Variants in IL3RA observed in about 807,000 individuals in gnomAD.
IL3RA encodes interleukin-3 receptor subunit alpha.
Under a neutral mutation model 52.3 loss-of-function variants are expected in IL3RA, and 73 were observed. The observed-to-expected ratio is 1.40, with a 90% CI of 1.16 to 1.70. The LOEUF is 1.70. Ranked by LOEUF, IL3RA falls within the 40% of genes most tolerant of loss-of-function variation. The pLI is 0.00. For synonymous variants in IL3RA, 260 were observed against 194.0 expected, an observed-to-expected ratio of 1.34 and a Z score of -2.83; for missense variants, 664 against 504.4, an observed-to-expected ratio of 1.32 and a Z score of -3.03.
At chrX:1,359,506 C>T (rs1238793227) in intron 8 of IL3RA, among the ~76,000 whole-genome samples, 21 of 144,180 alleles carry the variant, frequency 1.5e-4, no homozygotes, top group African/African-American at 5.2e-5. Flanking sequence ...CTATCTCCCT[C>T]CCCCTCTCTG....
chrX:1,361,473 C>T (rs1233140545), intron 8 of IL3RA, among the ~76,000 whole-genome samples: 12 of 152,070 alleles, frequency 7.9e-5, no homozygotes, highest in Non-Finnish European at 1.3e-4. Context: ...AGACAGTCGC[C>T]GGGCGCAGTG....
chrX:1,338,721 C>T (rs761809811), intron 1 of IL3RA, among the ~76,000 whole-genome samples: 1 of 152,084 alleles, frequency 6.6e-6, no homozygotes, highest in Non-Finnish European at 1.5e-5. Flanking sequence ...GTGGTTGCCA[C>T]AGGCTGGGGA....
intron 8 of IL3RA, among the ~76,000 whole-genome samples, chrX:1,360,449 T>C (rs1337612362): frequency 1.3e-5 from 2 of 151,546 alleles, no homozygotes; most frequent in African/African-American, 4.9e-5. Context: ...TCTATCTCTC[T>C]CCTTGTCTAT....
At chrX:1,365,301 C>CCGGGTGA (rs2087856765) in intron 9 of IL3RA, 49 bp downstream of exon 9, 1 of 980,784 alleles carries the variant, frequency 1.0e-6, no homozygotes, top group African/African-American at 2.9e-5. Flanking sequence ...GAGCGGGGTG[C>CCGGGTGA]GCGGGGTGAG....
chrX:1,360,572 G>A (rs1222856840), intron 8 of IL3RA, among the ~76,000 whole-genome samples: 6 of 151,898 alleles, frequency 4.0e-5, no homozygotes, highest in South Asian at 4.1e-4. Flanking sequence ...AGGCTGGAGT[G>A]CGATGGCACG....
At chrX:1,356,950 C>T (rs2086782103) in intron 7 of IL3RA, among the ~76,000 whole-genome samples, 1 of 151,956 alleles carries the variant, frequency 6.6e-6, no homozygotes, top group African/African-American at 2.4e-5. Flanking sequence ...ATCAGTTGAA[C>T]ATAAATATTG....
At chrX:1,358,676 C>G (rs1321377291) in intron 7 of IL3RA, among the ~76,000 whole-genome samples, 185 bp from the exon 8 acceptor site, 5 of 152,008 alleles carry the variant, frequency 3.3e-5, no homozygotes. Context: ...AATAAACAAA[C>G]AAACCTTTTG....
chrX:1,345,450 T>C lies in IL3RA; in HGVS notation c.183+16T>C, dbSNP rs1410217530. The C allele has an allele frequency of 7.1e-7, 1 of 1,418,090 alleles. No individual in the cohort carries two copies. Among genetic ancestry groups the C allele is most frequent in the East Asian group, 2.4e-5 (1 of 42,530 alleles). 87.8% of individuals were successfully genotyped at this position (1,418,090 alleles called of 1,614,324 possible). A position where few individuals can be genotyped will look rare whatever the true frequency, so the allele number is the denominator to read the frequency against. ...TTCTATGCCGGTAAATCATACTCTCTATTGTTTTTTTATTTTTATTTTATT... is the reference window on the plus strand; with the variant it reads ...TTCTATGCCGGTAAATCATACTCTCCATTGTTTTTTTATTTTTATTTTATT... On this transcript the variant is annotated intron_variant, in intron 3 of 11. Transcript: ENST00000331035.
intron 2 of IL3RA, among the ~76,000 whole-genome samples, chrX:1,345,010 A>G (rs1342043045): frequency 1.4e-5 from 2 of 146,662 alleles, no homozygotes; most frequent in Non-Finnish European, 3.0e-5. Context: ...AAAATACAAA[A>G]AAAAAAAAAT....
intron 4 of IL3RA, among the ~76,000 whole-genome samples, chrX:1,350,179 G>A (rs1401275052): frequency 6.6e-6 from 1 of 152,102 alleles, no homozygotes; most frequent in Non-Finnish European, 1.5e-5. Context: ...GGGAGGCCGG[G>A]CGCAGTGGCT....
intron 2 of IL3RA, among the ~76,000 whole-genome samples, chrX:1,344,193 G>T (rs2085624594): frequency 6.6e-6 from 1 of 151,976 alleles, no homozygotes; most frequent in African/African-American, 2.4e-5. Flanking sequence ...CAGCACTTTG[G>T]GAGGCTGAGG....
In IL3RA at chrX:1,358,745, T is replaced by C. The variant is rs58020150; in HGVS notation, c.733-116T>C. 1.0e-3 allele frequency: 1,120 copies of C among 1,101,270 alleles called. 12 individuals carry two copies. In the African/African-American group the frequency reaches 0.016, roughly 16 times the overall value. 68.2% of individuals were successfully genotyped at this position (1,101,270 alleles called of 1,614,324 possible). A position where few individuals can be genotyped will look rare whatever the true frequency, so the allele number is the denominator to read the frequency against. ...TGCCCCCACTGCTGCCCGAAGGCCTTCCCAGAGCCCTCACTGTTTTGCTGG... is the reference window on the plus strand; with the variant it reads ...TGCCCCCACTGCTGCCCGAAGGCCTCCCCAGAGCCCTCACTGTTTTGCTGG... On this transcript the variant is annotated intron_variant, in intron 7 of 11. Transcript: ENST00000331035.
intron 3 of IL3RA, among the ~76,000 whole-genome samples, 154 bp from the exon 4 acceptor site, chrX:1,348,277 C>CT (rs2085861539): frequency 6.6e-6 from 1 of 151,510 alleles, no homozygotes; most frequent in Admixed American, 6.6e-5. Flanking sequence ...GGCTTGAACC[C>CT]GGGAGGGAGA....
chrX:1,346,709 C>G (rs1362262511), intron 3 of IL3RA, among the ~76,000 whole-genome samples: 1 of 151,274 alleles, frequency 6.6e-6, no homozygotes, highest in Admixed American at 6.6e-5. Flanking sequence ...TTGTCATCAC[C>G]TGCGTTCTCA....
chrX:1,362,930 C>T (rs1331539866), intron 8 of IL3RA, among the ~76,000 whole-genome samples: 1 of 152,026 alleles, frequency 6.6e-6, no homozygotes, highest in Non-Finnish European at 1.5e-5. Context: ...TGCACACCAC[C>T]ACGCCTGGCT....
chrX:1,366,535 G>A, intron 9 of IL3RA, among the ~76,000 whole-genome samples: 1 of 80,386 alleles, frequency 1.2e-5, no homozygotes, highest in Admixed American at 1.1e-4. Context: ...CGGTGAGCCG[G>A]GTGCGCGGGG....
At position 1,359,030 on chromosome X, in the gene IL3RA, C is replaced by G. The variant is rs189160859; in HGVS notation, c.759+143C>G. On this transcript the variant is annotated intron_variant, in intron 8 of 11. Coordinates refer to ENST00000331035, the MANE Select transcript of IL3RA (RefSeq NM_002183.4). ...ATTATTAATAATAAATGTTATTATTCAATGTTCAGTGACTTTCATTGGACA... is the reference window on the plus strand; with the variant it reads ...ATTATTAATAATAAATGTTATTATTGAATGTTCAGTGACTTTCATTGGACA... 97 of 628,024 alleles carry G rather than the reference C, an allele frequency of 1.5e-4. 1 individual carries two copies. The African/African-American group carries it at 1.8e-3, about 12-fold the overall frequency. The allele number at this position is 628,024 out of a possible 1,614,324, so 38.9% of individuals were successfully genotyped here.
intron 9 of IL3RA, among the ~76,000 whole-genome samples, chrX:1,368,358 G>A: frequency 6.6e-6 from 1 of 152,090 alleles, no homozygotes; most frequent in South Asian, 2.1e-4. Flanking sequence ...GCTGAGGTGG[G>A]TAGATCACCT....
chrX:1,364,446 G>T (rs2087751056), intron 8 of IL3RA, among the ~76,000 whole-genome samples: 1 of 150,702 alleles, frequency 6.6e-6, no homozygotes, highest in Non-Finnish European at 1.5e-5. Flanking sequence ...AGCCGAGTTG[G>T]TGCCACTGCA....
Sources: allele counts gnomAD v4.1 joint callset (sites outside exome capture counted in the v4.1 genomes callset), GRCh38; gene constraint gnomAD v4.1.1; transcripts MANE v1.5; gene names NCBI Gene and HGNC (gene_info 2026-07-23, HGNC 2026-07-21).